CDH8: variants seen among roughly 807,000 people sequenced by gnomAD.
CDH8 encodes the protein cadherin-8.
A neutral mutation model predicts 68.1 loss-of-function variants in CDH8; 17 were observed. The ratio of observed to expected loss-of-function variants is 0.25; its 90% CI spans 0.17 to 0.37. The LOEUF (loss-of-function observed/expected upper bound fraction) is 0.37, where lower values mean the gene tolerates loss of function less well. CDH8 is among the 10% of genes least tolerant of loss of function. The probability of loss-of-function intolerance (pLI) is 1.00; values close to 1 mark genes in which losing one functional copy is unlikely to be tolerated. For synonymous variants in CDH8, 372 were observed against 365.1 expected (o/e 1.02, Z -0.21); for missense variants, 763 against 999.3 (o/e 0.76, Z 3.19).
At chr16:61,956,734 T>TACAG (rs10692535) in intron 2 of CDH8, among the ~76,000 whole-genome samples, 3,288 of 152,282 alleles carry the variant, frequency 0.022, 122 homozygotes, top group African/African-American at 0.075. Context: ...CTCAATTCTG[T>TACAG]GCAACTCATT....
intron 2 of CDH8, among the ~76,000 whole-genome samples, chr16:61,987,398 A>G (rs889937064): frequency 4.6e-5 from 7 of 151,966 alleles, no homozygotes. Flanking sequence ...TCCCAGCTAC[A>G]TGGGAGGCTG....
chr16:61,964,118 C>A (rs1965205449), intron 2 of CDH8, among the ~76,000 whole-genome samples: 1 of 152,178 alleles, frequency 6.6e-6, no homozygotes, highest in South Asian at 2.1e-4. Context: ...ATCAACAAGA[C>A]TTAAAAGGTT....
intron 10 of CDH8, among the ~76,000 whole-genome samples, chr16:61,669,159 A>T (rs1406978473): frequency 6.6e-6 from 1 of 152,092 alleles, no homozygotes; most frequent in Non-Finnish European, 1.5e-5. Context: ...CACACATATG[A>T]AAATAAGACA....
At chr16:61,830,690 C>G (rs960479695) in intron 4 of CDH8, among the ~76,000 whole-genome samples, 3 of 151,722 alleles carry the variant, frequency 2.0e-5, no homozygotes, top group African/African-American at 7.3e-5. Flanking sequence ...ATAAGTTTAA[C>G]CTTCCATTAC....
chr16:61,994,768 T>C (rs1234270705), intron 2 of CDH8, among the ~76,000 whole-genome samples: 1 of 152,130 alleles, frequency 6.6e-6, no homozygotes, highest in Non-Finnish European at 1.5e-5. Flanking sequence ...TCCTCCTACA[T>C]GATTCTGATG....
At chr16:61,666,489 C>G (rs536350983) in intron 10 of CDH8, among the ~76,000 whole-genome samples, 1 of 151,754 alleles carries the variant, frequency 6.6e-6, no homozygotes, top group Non-Finnish European at 1.5e-5. Context: ...GGACTAGATC[C>G]TATTTATTTA....
chr16:61,698,959 A>G (rs1964374986), intron 10 of CDH8, among the ~76,000 whole-genome samples: 1 of 152,158 alleles, frequency 6.6e-6, no homozygotes, highest in Non-Finnish European at 1.5e-5. Flanking sequence ...GCTGCCATGT[A>G]ATCCTCATTT....
At chr16:61,768,166 C>T (rs932507610) in intron 8 of CDH8, among the ~76,000 whole-genome samples, 4 of 151,754 alleles carry the variant, frequency 2.6e-5, no homozygotes, top group Admixed American at 1.3e-4. Flanking sequence ...AAAATAATCA[C>T]CAAGTGATTT....
At chr16:61,879,614 C>T (rs1187753422) in intron 3 of CDH8, among the ~76,000 whole-genome samples, 1 of 152,116 alleles carries the variant, frequency 6.6e-6, no homozygotes, top group African/African-American at 2.4e-5. Flanking sequence ...CTCTTTCAGC[C>T]CACCTGACCT....
At chr16:61,720,577 A>C (rs774325558) in intron 9 of CDH8, among the ~76,000 whole-genome samples, 3 of 150,996 alleles carry the variant, frequency 2.0e-5, no homozygotes, top group Non-Finnish European at 4.5e-5. Flanking sequence ...CAGTCAATAC[A>C]TACAGAACTG....
chr16:62,024,059 G>A (rs572466772), intron 1 of CDH8, among the ~76,000 whole-genome samples: 14 of 151,732 alleles, frequency 9.2e-5, no homozygotes, highest in Non-Finnish European at 1.3e-4. Context: ...TCTCCATCTC[G>A]AACTCCTCAC....
intron 8 of CDH8, among the ~76,000 whole-genome samples, chr16:61,747,483 C>CTT (rs1960052246): frequency 1.3e-5 from 2 of 151,956 alleles, no homozygotes; most frequent in Non-Finnish European, 2.9e-5. Context: ...ATCTTGGACC[C>CTT]AGTATATCCA....
intron 7 of CDH8, among the ~76,000 whole-genome samples, chr16:61,799,600 A>T (rs1304979068): frequency 6.6e-6 from 1 of 152,140 alleles, no homozygotes; most frequent in African/African-American, 2.4e-5. Flanking sequence ...AGTATCTGTC[A>T]CATAGTAAAC....
intron 2 of CDH8, among the ~76,000 whole-genome samples, chr16:61,952,929 T>C (rs1471930505): frequency 1.3e-5 from 2 of 152,206 alleles, no homozygotes; most frequent in Non-Finnish European, 2.9e-5. Context: ...TGCATCCTGC[T>C]ATTGTCTGTG....
chr16:61,916,454 G>A (rs577616121), intron 2 of CDH8, among the ~76,000 whole-genome samples: 4 of 152,256 alleles, frequency 2.6e-5, no homozygotes, highest in Admixed American at 2.6e-4. Context: ...GGCGGAGGTT[G>A]CAGTGAACCG....
intron 4 of CDH8, among the ~76,000 whole-genome samples, chr16:61,831,010 A>C (rs1479857247): frequency 6.6e-6 from 1 of 151,800 alleles, no homozygotes; most frequent in Non-Finnish European, 1.5e-5. Flanking sequence ...CCCTGGGACA[A>C]ACTTTTTTCC....
In CDH8 at chr16:61,653,266, A is replaced by G; in HGVS notation, c.*342T>C. ...AGGTCCGTATTTTTTTTTCTAAGAA[A>G]GCACCTTTTAATTATGATTTTTTCC... is the stretch of plus-strand genomic sequence containing the variant. On this transcript the variant is annotated 3_prime_UTR_variant, in exon 12 of 12. Transcript: ENST00000577390. 1.7e-6 allele frequency: 2 copies of G among 1,172,166 alleles called. No individual in the cohort carries two copies. Among genetic ancestry groups the G allele is most frequent in the Non-Finnish European group, 2.1e-6 (2 of 952,550 alleles). 72.6% of individuals were successfully genotyped at this position (1,172,166 alleles called of 1,614,324 possible).
At chr16:61,774,271 C>G (rs540786580) in intron 8 of CDH8, among the ~76,000 whole-genome samples, 4 of 151,860 alleles carry the variant, frequency 2.6e-5, no homozygotes, top group Non-Finnish European at 4.4e-5. Context: ...AAGCCAGAGT[C>G]CTTAGGGAAA....
chr16:61,949,405 G>C (rs997920404), intron 2 of CDH8, among the ~76,000 whole-genome samples: 2 of 152,084 alleles, frequency 1.3e-5, no homozygotes, highest in Non-Finnish European at 2.9e-5. Context: ...GAAGTGGGTG[G>C]GGACAAATAA....
Sources: gnomAD v4.1 joint callset for allele counts (sites outside exome capture counted in the v4.1 genomes callset) on GRCh38, gnomAD v4.1.1 for gene constraint, MANE v1.5 for transcripts, NCBI Gene and HGNC (gene_info 2026-07-23, HGNC 2026-07-21) for gene names.